Variants in SATB2 observed in about 807,000 individuals in gnomAD.
SATB2 encodes the protein DNA-binding protein SATB2.
Under a neutral mutation model 73.4 loss-of-function variants are expected in SATB2, and 1 was observed. The observed-to-expected ratio is 0.01, with a 90% CI of 0.00 to 0.06. The LOEUF (loss-of-function observed/expected upper bound fraction) is 0.06, where lower values mean the gene tolerates loss of function less well. Among genes scored for constraint, SATB2 ranks in the 10% least tolerant of loss-of-function variants. The pLI, the probability that SATB2 is intolerant of heterozygous loss-of-function variation, is 1.00. For missense variants in SATB2, 459 were observed against 945.8 expected, an observed-to-expected ratio of 0.49 and a Z score of 6.75; for synonymous variants, 397 against 367.0, an observed-to-expected ratio of 1.08 and a Z score of -0.93.
At chr2:199,299,127 C>A (rs1362004511) in intron 10 of SATB2, among the ~76,000 whole-genome samples, 1 of 152,116 alleles carries the variant, frequency 6.6e-6, no homozygotes, top group Non-Finnish European at 1.5e-5. Context: ...GTCATTCTGG[C>A]TGGAGAGAAT....
intron 10 of SATB2, among the ~76,000 whole-genome samples, chr2:199,303,420 T>C (rs1217508384): frequency 6.6e-6 from 1 of 152,168 alleles, no homozygotes; most frequent in African/African-American, 2.4e-5. Flanking sequence ...AGCAGCAGTG[T>C]CACCATTATT....
chr2:199,307,024 T>A (rs1023587241), intron 10 of SATB2, among the ~76,000 whole-genome samples: 3 of 152,116 alleles, frequency 2.0e-5, no homozygotes, highest in Non-Finnish European at 4.4e-5. Flanking sequence ...CCATGAAAAG[T>A]CAGTGGTTCC....
intron 10 of SATB2, among the ~76,000 whole-genome samples, chr2:199,304,436 T>C (rs183557216): frequency 1.3e-5 from 2 of 152,316 alleles, no homozygotes; most frequent in Admixed American, 6.5e-5. Flanking sequence ...AGAAACATTA[T>C]GTAGATTAGT....
At chr2:199,468,269 G>C (rs1692631111), upstream of SATB2, 1 of 151,972 alleles carries the variant, frequency 6.6e-6, no homozygotes, top group South Asian at 2.1e-4. Flanking sequence ...CCGGTAGGAG[G>C]ACTGGGGTGG....
chr2:199,324,895 G>GT (rs991400086), intron 8 of SATB2, among the ~76,000 whole-genome samples: 7 of 152,092 alleles, frequency 4.6e-5, no homozygotes, highest in Non-Finnish European at 1.0e-4. Context: ...CCTAACCTGG[G>GT]TTTTTTCTCT....
intron 5 of SATB2, among the ~76,000 whole-genome samples, chr2:199,375,428 T>C (rs1689571592): frequency 6.6e-6 from 1 of 152,184 alleles, no homozygotes; most frequent in Admixed American, 6.5e-5. Context: ...TTTCCAAGCA[T>C]CTGGCCAGAC....
At chr2:199,408,546 G>A (rs899683748) in intron 3 of SATB2, among the ~76,000 whole-genome samples, 2 of 152,038 alleles carry the variant, frequency 1.3e-5, no homozygotes, top group Non-Finnish European at 2.9e-5. Context: ...ATACTAGCTT[G>A]GTGCAAAAGT....
At chr2:199,432,556 A>G (rs1691533636) in intron 3 of SATB2, among the ~76,000 whole-genome samples, 1 of 152,246 alleles carries the variant, frequency 6.6e-6, no homozygotes, top group Admixed American at 6.5e-5. Context: ...TCCTTTGGTT[A>G]TAACCATAAT....
chr2:199,392,645 T>C (rs976904584), intron 3 of SATB2, among the ~76,000 whole-genome samples: 3 of 152,288 alleles, frequency 2.0e-5, no homozygotes, highest in African/African-American at 7.2e-5. Context: ...TCCCAGATCT[T>C]GGATCTGCCC....
At chr2:199,399,859 T>C (rs188847685) in intron 3 of SATB2, among the ~76,000 whole-genome samples, 87 of 152,238 alleles carry the variant, frequency 5.7e-4, no homozygotes, top group African/African-American at 1.7e-3. Context: ...ACCTCCAACA[T>C]TGGGGATTAT....
Position 199,426,285 on chromosome 2 carries a change from T to TTTTA in SATB2, c.346+7049_346+7052dup, listed in dbSNP as rs529575581. Among the ~76,000 whole-genome samples, 848 of 152,198 alleles carry TTTTA rather than the reference T, an allele frequency of 5.6e-3. 7 individuals carry two copies. Among genetic ancestry groups the TTTTA allele is most frequent in the South Asian group, 0.018 (88 of 4,812 alleles). ...AAACCATTTTAAAAGCTTTCTTCTT[T>TTTTA]TTTATTTATTTATTTATTTTTGAGA... On this transcript the variant is annotated intron_variant, in intron 3 of 10. Transcript: ENST00000417098.
At chr2:199,280,812 T>C (rs1659598405) in intron 10 of SATB2, among the ~76,000 whole-genome samples, 2 of 152,322 alleles carry the variant, frequency 1.3e-5, no homozygotes, top group South Asian at 4.1e-4. Context: ...ATTTCGCCCC[T>C]GTCCTGTGGT....
intron 10 of SATB2, among the ~76,000 whole-genome samples, chr2:199,273,568 ATT>A (rs948184679): frequency 2.0e-5 from 3 of 152,156 alleles, no homozygotes; most frequent in Non-Finnish European, 4.4e-5. Flanking sequence ...TTTTAAATGT[ATT>A]TTTTAGAATG....
At chr2:199,450,997 CTT>C (rs1263367425) in intron 2 of SATB2, among the ~76,000 whole-genome samples, 2 of 151,884 alleles carry the variant, frequency 1.3e-5, no homozygotes, top group Non-Finnish European at 2.9e-5. Flanking sequence ...TATGTACAGA[CTT>C]TGCTGGTTAC....
chr2:199,312,873 A>C (rs1325015372), intron 9 of SATB2, among the ~76,000 whole-genome samples: 1 of 152,184 alleles, frequency 6.6e-6, no homozygotes, highest in East Asian at 1.9e-4. Context: ...GAAAATATCA[A>C]ACAAACCCAA....
chr2:199,331,421 A>C (rs2105798847), intron 7 of SATB2, among the ~76,000 whole-genome samples: 1 of 152,196 alleles, frequency 6.6e-6, no homozygotes, highest in East Asian at 1.9e-4. Flanking sequence ...CCTCTGTTTC[A>C]TTTGCCTAAT....
At chr2:199,325,459 GC>G (rs1688003867) in intron 8 of SATB2, 2 of 152,114 alleles carry the variant, frequency 1.3e-5, no homozygotes, top group African/African-American at 4.8e-5. Flanking sequence ...TCCAATTTAT[GC>G]CAGGTGCTGT....
intron 5 of SATB2, 91 bp from the exon 6 acceptor site, chr2:199,368,798 T>A (rs1024271116): frequency 9.9e-6 from 7 of 710,582 alleles, no homozygotes; most frequent in Non-Finnish European, 1.7e-5. Context: ...ACTAACCTCT[T>A]TTTTCTTTTA....
intron 6 of SATB2, among the ~76,000 whole-genome samples, chr2:199,356,225 C>CAAAAAAAAAAAAAAAAAAAAA (rs200509001): frequency 3.0e-5 from 3 of 100,966 alleles, no homozygotes; most frequent in Non-Finnish European, 3.6e-5. Flanking sequence ...GAACATAAGC[C>CAAAAAAAAAAAAAAAAAAAAA]AAAAAAAAAA....
Sources: allele counts gnomAD v4.1 joint callset (sites outside exome capture counted in the v4.1 genomes callset), GRCh38; gene constraint gnomAD v4.1.1; transcripts MANE v1.5; gene names NCBI Gene and HGNC (gene_info 2026-07-23, HGNC 2026-07-21).